The following EDNRB variants were observed in gnomAD, a reference collection of about 807,000 sequenced individuals.
The protein encoded by EDNRB is Hirschsprung disease 2.
In EDNRB, 18 loss-of-function variants were observed where a neutral mutation model predicts 46.4. The observed-to-expected ratio is 0.39, with a 90% CI of 0.27 to 0.57. The LOEUF is 0.57. EDNRB is among the 20% of genes least tolerant of loss of function. The pLI, the probability that EDNRB is intolerant of heterozygous loss-of-function variation, is 0.61. For missense variants in EDNRB, 434 were observed against 537.5 expected (o/e 0.81, Z 1.90); for synonymous variants, 213 against 204.9 (o/e 1.04, Z -0.34).
At chr13:77,951,867 G>A (rs76233976) in intron 1 of EDNRB, among the ~76,000 whole-genome samples, 3,574 of 152,212 alleles carry the variant, frequency 0.023, 81 homozygotes, top group Non-Finnish European at 0.037. Context: ...CTTTACTCAA[G>A]TATGCACCCC....
Position 77,956,261 on chromosome 13 carries a change from CT to C in EDNRB, c.-52+19085del, listed in dbSNP as rs199839407. On this transcript the variant is annotated intron_variant, in intron 1 of 7. Coordinates refer to the EDNRB transcript ENST00000646948. ...CCCTCTTGGTTAGATTTATTCCTAA[CT>C]TTTTTTTTGATGTTACTGTAAATGG... Among the ~76,000 whole-genome samples, 505 of 151,448 alleles carry C rather than the reference CT, an allele frequency of 3.3e-3. 3 individuals carry two copies. Among genetic ancestry groups the C allele is most frequent in the Middle Eastern group, 0.014 (4 of 288 alleles).
At chr13:77,921,894 AT>A (rs35743336), upstream of EDNRB, among the ~76,000 whole-genome samples, 7 of 151,282 alleles carry the variant, frequency 4.6e-5, no homozygotes, top group East Asian at 1.2e-3. Context: ...CTAGGCCAAT[AT>A]TTTTTTTTAA....
At chr13:77,928,036 G>A (rs1410847175) in intron 1 of EDNRB, among the ~76,000 whole-genome samples, 1 of 152,176 alleles carries the variant, frequency 6.6e-6, no homozygotes, top group Admixed American at 6.6e-5. Context: ...CCATGATTGT[G>A]AGGCTTCCCC....
intron 1 of EDNRB, among the ~76,000 whole-genome samples, chr13:77,961,024 G>A (rs933984824): frequency 6.6e-6 from 1 of 152,100 alleles, no homozygotes; most frequent in African/African-American, 2.4e-5. Context: ...CCCAGTACAG[G>A]AGCACCCAGA....
Position 77,898,172 on chromosome 13 carries a change from A to G in EDNRB, c.*28T>C. 1 of 1,608,574 alleles carries G rather than the reference A, an allele frequency of 6.2e-7. No individual in the cohort carries two copies. ...TAATGACTTCGGTCCAATATAAAGAAAATGAAATACAGTGAATAGTTCTTC... is the reference window on the plus strand; with the variant it reads ...TAATGACTTCGGTCCAATATAAAGAGAATGAAATACAGTGAATAGTTCTTC... On this transcript the variant is annotated 3_prime_UTR_variant, in exon 7 of 7. Transcript: ENST00000646607.
At chr13:77,937,949 A>G (rs9544642) in intron 1 of EDNRB, among the ~76,000 whole-genome samples, 151,774 of 152,262 alleles carry the variant, frequency 1, 75,646 homozygotes, top group Middle Eastern at 1. Flanking sequence ...GACTGTTTGC[A>G]CATTTTACGA....
At chr13:77,905,693 C>T (rs1410790739) in intron 1 of EDNRB, among the ~76,000 whole-genome samples, 3 of 151,938 alleles carry the variant, frequency 2.0e-5, no homozygotes, top group Admixed American at 2.0e-4. Context: ...CCTGAAGAGA[C>T]AGCATTTGAG....
At chr13:77,932,947 A>G (rs1267978408) in intron 1 of EDNRB, among the ~76,000 whole-genome samples, 1 of 152,210 alleles carries the variant, frequency 6.6e-6, no homozygotes, top group Non-Finnish European at 1.5e-5. Context: ...ATGACCAACT[A>G]AAGAACACAT....
At chr13:77,966,023 T>A (rs1881570692) in intron 1 of EDNRB, among the ~76,000 whole-genome samples, 1 of 152,062 alleles carries the variant, frequency 6.6e-6, no homozygotes, top group Admixed American at 6.6e-5. Context: ...ACTGCAGGTG[T>A]GTGTCACCAT....
At chr13:77,913,396 CA>C (rs1471971100) in intron 1 of EDNRB, among the ~76,000 whole-genome samples, 2 of 152,096 alleles carry the variant, frequency 1.3e-5, no homozygotes, top group Non-Finnish European at 2.9e-5. Flanking sequence ...TCCAGTGGGT[CA>C]CCAGCCTAAT....
intron 3 of EDNRB, 34 bp from the exon 4 acceptor site, chr13:77,901,241 T>C: frequency 1.2e-6 from 2 of 1,603,414 alleles, no homozygotes; most frequent in Non-Finnish European, 1.7e-6. Flanking sequence ...CGATTAATAC[T>C]CCTCTGTAAG....
chr13:77,896,776 C>T lies in EDNRB; in HGVS notation c.*1424G>A. ...GGTTTCCTCCAACCCCACCTCATTT[C>T]CTCTCTCTTCCGTTTTCTCTTGTAC... On this transcript the variant is annotated 3_prime_UTR_variant, in exon 7 of 7. Transcript: ENST00000646607. The T allele has an allele frequency of 7.6e-7, 1 of 1,314,422 alleles. No homozygotes were observed. The highest frequency in any genetic ancestry group is 9.7e-7 in the Non-Finnish European group (1 of 1,032,116). 81.4% of individuals were successfully genotyped at this position (1,314,422 alleles called of 1,614,324 possible). A position where few individuals can be genotyped will look rare whatever the true frequency, so the allele number is the denominator to read the frequency against.
chr13:77,932,418 T>C (rs866739536), intron 1 of EDNRB, among the ~76,000 whole-genome samples: 1 of 152,260 alleles, frequency 6.6e-6, no homozygotes, highest in South Asian at 2.1e-4. Flanking sequence ...CTTCCATCTA[T>C]TGAGATCTCA....
At chr13:77,963,034 A>G (rs1193313570) in intron 1 of EDNRB, among the ~76,000 whole-genome samples, 1 of 152,210 alleles carries the variant, frequency 6.6e-6, no homozygotes, top group Non-Finnish European at 1.5e-5. Flanking sequence ...CTTCAAGGAG[A>G]ATAAAATACC....
chr13:77,958,857 C>T (rs145431744), intron 1 of EDNRB, among the ~76,000 whole-genome samples: 2,360 of 152,256 alleles, frequency 0.016, 36 homozygotes, highest in Non-Finnish European at 0.026. Context: ...TAAGATATCA[C>T]CATCTTCTTA....
At chr13:77,958,637 G>A (rs1881309704) in intron 1 of EDNRB, among the ~76,000 whole-genome samples, 1 of 152,162 alleles carries the variant, frequency 6.6e-6, no homozygotes, top group East Asian at 1.9e-4. Context: ...GCCTCCCAAA[G>A]TGCTGGGATT....
At position 77,903,214 on chromosome 13, in the gene EDNRB, T is replaced by G. The variant is rs777697952; in HGVS notation, c.743A>C (p.Lys248Thr). ...CAAGCAGATTCGCAGATAACTTCCT[T>G]TGTAGTCCATCGTAATTATATCAAA... ...IGFDIITMDY[K>T]GSYLRICLLH... The change falls in exon 3 of 7, where the codon AAA becomes ACA. Residue 248 changes from lysine to threonine, a missense_variant. Physicochemically the swap from Lys to Thr is moderately conservative, Grantham distance 78 (BLOSUM62 -1). Coordinates refer to ENST00000646607, the MANE Select transcript of EDNRB (RefSeq NM_001122659.3). The G allele has an allele frequency of 1.2e-6, 2 of 1,613,048 alleles. No individual in the cohort carries two copies. Among genetic ancestry groups the G allele is most frequent in the Admixed American group, 3.3e-5 (2 of 59,898 alleles).
chr13:77,960,860 G>GAA (rs34344431), intron 1 of EDNRB, among the ~76,000 whole-genome samples: 32 of 115,550 alleles, frequency 2.8e-4, no homozygotes, highest in African/African-American at 9.9e-4. Context: ...CAAGCAAATG[G>GAA]AAAAAAAAAA....
chr13:77,963,704 G>A (rs1191872916), intron 1 of EDNRB, among the ~76,000 whole-genome samples: 1 of 152,140 alleles, frequency 6.6e-6, no homozygotes, highest in Non-Finnish European at 1.5e-5. Context: ...CAGGACGGAG[G>A]CATGGGCAAG....
Sources: allele counts gnomAD v4.1 joint callset (sites outside exome capture counted in the v4.1 genomes callset), GRCh38; gene constraint gnomAD v4.1.1; transcripts MANE v1.5; gene names NCBI Gene and HGNC (gene_info 2026-07-23, HGNC 2026-07-21).